The following TUBGCP2 variants were observed in gnomAD, a reference collection of about 807,000 sequenced individuals.
TUBGCP2 encodes gamma-tubulin complex component 2.
A neutral mutation model predicts 92.2 loss-of-function variants in TUBGCP2; 55 were observed. That is an observed-to-expected ratio of 0.60 (90% CI 0.48 to 0.75). The LOEUF (loss-of-function observed/expected upper bound fraction) is 0.75, where lower values mean the gene tolerates loss of function less well. Ranked by LOEUF, TUBGCP2 falls within the 30% of genes least tolerant of loss-of-function variation. TUBGCP2 has a pLI of 0.00. For synonymous variants in TUBGCP2, 533 were observed against 505.2 expected, an observed-to-expected ratio of 1.06 and a Z score of -0.74; for missense variants, 1,093 against 1,188.9, an observed-to-expected ratio of 0.92 and a Z score of 1.19.
At position 133,285,264 on chromosome 10, in the gene TUBGCP2, C is replaced by T. The variant is rs756859531; in HGVS notation, c.1896-51G>A. 30 of 1,606,422 alleles carry T rather than the reference C, an allele frequency of 1.9e-5. No homozygotes were observed. Among genetic ancestry groups the T allele is most frequent in the East Asian group, 6.7e-5 (3 of 44,852 alleles). On this transcript the variant is annotated intron_variant, in intron 12 of 17. Coordinates refer to ENST00000252936, the MANE Select transcript of TUBGCP2 (RefSeq NM_006659.4). This position sits in a 1 kb window ranked among gnomAD's most constrained non-coding sequence, Gnocchi z 6.8. The stretch of plus-strand genomic sequence containing the variant: ...GGTGGGCCTCCGTGACCGGCGGCGT[C>T]GTGGACACGGCGTCTGTACTCCACA...
In TUBGCP2 at chr10:133,287,038, A is replaced by T. The variant is rs569379285; in HGVS notation, c.1722+1091T>A. 2.6e-5 allele frequency among the ~76,000 whole-genome samples: 4 copies of T among 152,392 alleles called. No homozygotes were observed. In the South Asian group the frequency reaches 8.3e-4, roughly 32 times the overall value. On this transcript the variant is annotated intron_variant, in intron 11 of 17. Transcript: ENST00000252936. Reference sequence around the variant, plus strand: ...CCAAGAGTTGGTTCTTTGAAAAGATAATGAAATCGACAAATTTCTAGCTAC... The same window carrying T: ...CCAAGAGTTGGTTCTTTGAAAAGATTATGAAATCGACAAATTTCTAGCTAC...
chr10:133,279,929 T>C (rs746870380), intron 17 of TUBGCP2, 28 bp from the exon 18 acceptor site: 2 of 1,600,244 alleles, frequency 1.2e-6, no homozygotes, highest in African/African-American at 2.7e-5. Flanking sequence ...GGAGCTGGGG[T>C]GCACACCCCT....
Position 133,283,170 on chromosome 10 carries a change from A to G in TUBGCP2, c.2197T>C (p.Cys733Arg). 1 of 1,614,238 alleles carries G rather than the reference A, an allele frequency of 6.2e-7. No homozygotes were observed. The highest frequency in any genetic ancestry group is 8.5e-7 in the Non-Finnish European group (1 of 1,180,046). The part of the protein sequence containing the change: ...LGHHTGFLDT[C>R]LKDCMLTNPE... ...TTGGTGAGCATGCAGTCCTTCAGGCAGGTGTCCAGGAAGCCTGTGTGGTGG... is the reference window on the plus strand; with the variant it reads ...TTGGTGAGCATGCAGTCCTTCAGGCGGGTGTCCAGGAAGCCTGTGTGGTGG... The change falls in exon 15 of 18, where the codon TGC becomes CGC. Residue 733 changes from cysteine (C) to arginine (R), a missense_variant. Transcript: ENST00000252936.
chr10:133,308,611 C>G (rs1847886579), intron 1 of TUBGCP2: 1 of 175,906 alleles, frequency 5.7e-6, no homozygotes, highest in African/African-American at 2.4e-5. Context: ...CGCCCCGCCC[C>G]GGCTGAGTGT....
chr10:133,280,277 C>T (rs1237026410), intron 17 of TUBGCP2, among the ~76,000 whole-genome samples: 1 of 152,222 alleles, frequency 6.6e-6, no homozygotes, highest in Admixed American at 6.5e-5. Context: ...ATCACCCCAA[C>T]AGGGCCTAGC....
chr10:133,282,358 C>T lies in TUBGCP2; in HGVS notation c.2290-16G>A, dbSNP rs780855495. On this transcript the variant is annotated splice_polypyrimidine_tract_variant and intron_variant, in intron 15 of 17. Transcript: ENST00000252936. ...GTGTAAATTTCTAGGGGGGGAGAGT[C>T]GCAAGGAAATGCTTCTGTTAGTTAC... is the stretch of plus-strand genomic sequence containing the variant. 23 of 1,574,466 alleles carry T rather than the reference C, an allele frequency of 1.5e-5. No individual in the cohort carries two copies. Among genetic ancestry groups the T allele is most frequent in the East Asian group, 1.4e-4 (6 of 44,182 alleles).
Position 133,288,956 on chromosome 10 carries a change from G to A in TUBGCP2, c.1425C>T (p.Ile475=). 1 of 1,614,006 alleles carries A rather than the reference G, an allele frequency of 6.2e-7. No homozygotes were observed. Among genetic ancestry groups the A allele is most frequent in the Non-Finnish European group, 8.5e-7 (1 of 1,179,954 alleles). ...ACGCCCGCTCTTTTAACGTGTAGAT[G>A]ATCTCTTTAGCCACCGGGCAGGTGA... ...HDVTCPVAKE[I]IYTLKERAYV... is the part of the protein sequence containing the mutation. Residue 475 remains isoleucine, a synonymous_variant, in exon 10 of 18, where the codon ATC becomes ATT. Coordinates refer to ENST00000252936, the MANE Select transcript of TUBGCP2 (RefSeq NM_006659.4).
intron 9 of TUBGCP2, 131 bp from the exon 10 acceptor site, chr10:133,289,151 CTG>C: frequency 9.7e-7 from 1 of 1,031,910 alleles, no homozygotes; most frequent in Non-Finnish European, 1.4e-6. Flanking sequence ...GAGGCCCCAG[CTG>C]TCTTTGTCTA....
intron 17 of TUBGCP2, among the ~76,000 whole-genome samples, chr10:133,280,152 G>A (rs1449954151): frequency 6.6e-6 from 1 of 152,218 alleles, no homozygotes; most frequent in Non-Finnish European, 1.5e-5. Context: ...AGGGGTGAGG[G>A]TGAGGCACGC....
rs1193247583 is a variant in TUBGCP2, at chr10:133,289,887, T to C, written c.1297A>G (p.Thr433Ala). 3 of 1,604,186 alleles carry C rather than the reference T, an allele frequency of 1.9e-6. No individual in the cohort carries two copies. Among genetic ancestry groups the C allele is most frequent in the Non-Finnish European group, 1.7e-6 (2 of 1,175,732 alleles). ...YNDKYWDQRY[T>A]IVQQQIPSFL... ...GACGGGATCTGCTGCTGGACGATGG[T>C]GTACCGCTGGTCCCAGTACTTGTCG... The change falls in exon 9 of 18, where the codon ACC becomes GCC. Residue 433 changes from threonine (T) to alanine (A), a missense_variant. This residue lies in a region of TUBGCP2 where 598 missense variants were observed against 675.5 expected (regional missense o/e 0.89). Coordinates refer to ENST00000252936, the MANE Select transcript of TUBGCP2 (RefSeq NM_006659.4).
intron 5 of TUBGCP2, 125 bp downstream of exon 5, chr10:133,297,827 G>A (rs1216266254): frequency 2.1e-6 from 3 of 1,408,196 alleles, no homozygotes; most frequent in East Asian, 2.3e-5. Flanking sequence ...CCGGGGGAGG[G>A]CTGGGCCTGC....
chr10:133,287,648 A>AG (rs11404232), intron 11 of TUBGCP2, among the ~76,000 whole-genome samples: 133,725 of 151,232 alleles, frequency 0.88, 59,217 homozygotes, highest in East Asian at 0.94. Context: ...AGGCTGAGGT[A>AG]GAGCATCACT....
At chr10:133,281,827 C>T (rs1056761565) in intron 16 of TUBGCP2, among the ~76,000 whole-genome samples, 1 of 152,266 alleles carries the variant, frequency 6.6e-6, no homozygotes, top group Non-Finnish European at 1.5e-5. Context: ...CCCACCCCAC[C>T]ATGCCACCCC....
Position 133,283,201 on chromosome 10 carries a change from G to A in TUBGCP2, c.2166C>T (p.Val722=), listed in dbSNP as rs1285628457. The A allele has an allele frequency of 4.3e-6, 7 of 1,614,084 alleles. No individual in the cohort carries two copies. The African/African-American group carries it at 8.0e-5, about 18-fold the overall frequency. ...CCAGGAAGCCTGTGTGGTGGCCAAGGACGTCGTCAATGTTGGAGGCCTGCG... is the reference window on the plus strand; with the variant it reads ...CCAGGAAGCCTGTGTGGTGGCCAAGAACGTCGTCAATGTTGGAGGCCTGCG... ...NLKSASNIDD[V]LGHHTGFLDT... Residue 722 remains valine (V), a synonymous_variant, in exon 15 of 18, where the codon GTC becomes GTT. Transcript: ENST00000252936.
intron 1 of TUBGCP2, among the ~76,000 whole-genome samples, chr10:133,307,759 A>G (rs1354066071): frequency 6.6e-6 from 1 of 152,130 alleles, no homozygotes; most frequent in Non-Finnish European, 1.5e-5. Flanking sequence ...AGAAAAAAAG[A>G]GAAACGTATG....
At chr10:133,300,777 T>G (rs1847626543) in intron 2 of TUBGCP2, among the ~76,000 whole-genome samples, 1 of 152,186 alleles carries the variant, frequency 6.6e-6, no homozygotes, top group Non-Finnish European at 1.5e-5. Context: ...CCCGCCCTTT[T>G]ATGCTTCTTC....
chr10:133,282,412 T>A (rs1847007638), intron 15 of TUBGCP2, 70 bp from the exon 16 acceptor site: 1 of 1,512,598 alleles, frequency 6.6e-7, no homozygotes, highest in African/African-American at 1.4e-5. Flanking sequence ...AAAAAACAAG[T>A]CCTGCAGGCA....
chr10:133,289,132 G>T, intron 9 of TUBGCP2, 112 bp from the exon 10 acceptor site: 1 of 1,249,626 alleles, frequency 8.0e-7, no homozygotes, highest in Non-Finnish European at 1.1e-6. Flanking sequence ...CTCTCCACAC[G>T]GTCAGTCTGA....
upstream of TUBGCP2, chr10:133,310,594 T>G (rs1411289325): frequency 1.0e-5 from 4 of 395,522 alleles, no homozygotes; most frequent in Admixed American, 1.2e-4. Context: ...GCCATGCCTG[T>G]ACCTCCTGCA....
Sources: allele counts gnomAD v4.1 joint callset (sites outside exome capture counted in the v4.1 genomes callset), GRCh38; gene constraint gnomAD v4.1.1; regional missense constraint gnomAD v4.1.1; non-coding constraint Gnocchi (gnomAD v3.1); transcripts MANE v1.5; gene names NCBI Gene and HGNC (gene_info 2026-07-23, HGNC 2026-07-21).